The following DCP1A variants were observed in gnomAD, a reference collection of about 807,000 sequenced individuals.
DCP1A encodes mRNA-decapping enzyme 1A.
Under a neutral mutation model 58.0 loss-of-function variants are expected in DCP1A, and 20 were observed. The observed-to-expected ratio is 0.34, with a 90% CI of 0.24 to 0.50. The LOEUF is 0.50. Among genes scored for constraint, DCP1A ranks in the 20% least tolerant of loss-of-function variants. The pLI, the probability that DCP1A is intolerant of heterozygous loss-of-function variation, is 0.98. For synonymous variants in DCP1A, 285 were observed against 275.1 expected (o/e 1.04, Z -0.36); for missense variants, 613 against 712.2 (o/e 0.86, Z 1.59).
intron 5 of DCP1A, among the ~76,000 whole-genome samples, chr3:53,308,984 C>G (rs116066263): frequency 6.6e-6 from 1 of 152,034 alleles, no homozygotes; most frequent in African/African-American, 2.4e-5. Context: ...ACCATCCGCA[C>G]CCCCCTGACC....
intron 6 of DCP1A, among the ~76,000 whole-genome samples, chr3:53,301,763 TA>T (rs1707319211): frequency 6.6e-6 from 1 of 152,188 alleles, no homozygotes; most frequent in African/African-American, 2.4e-5. Context: ...TATCATGTAA[TA>T]CTCTCAGTAA....
chr3:53,304,287 G>A lies in DCP1A; in HGVS notation c.514C>T (p.Gln172Ter). Reference sequence around the variant, plus strand: ...CTGGAGATATTTGAGTCACCCATCTGATTCTTTAAAAAGTTAAAAGAAAAA... The same window carrying A: ...CTGGAGATATTTGAGTCACCCATCTAATTCTTTAAAAAGTTAAAAGAAAAA... ...SRAKDEYERN[Q>*]MGDSNISSPG... The change falls in exon 6 of 10, where the codon CAG becomes TAG. Residue 172 changes from glutamine (Q) to a stop codon, truncating the protein, a stop_gained. Transcript: ENST00000610213. LOFTEE classifies it high-confidence loss of function. 6.2e-7 allele frequency: 1 copy of A among 1,605,932 alleles called. No homozygotes were observed. The highest frequency in any genetic ancestry group is 8.5e-7 in the Non-Finnish European group (1 of 1,176,802).
chr3:53,298,459 A>G (rs1707203056), intron 6 of DCP1A, among the ~76,000 whole-genome samples: 1 of 152,220 alleles, frequency 6.6e-6, no homozygotes, highest in African/African-American at 2.4e-5. Context: ...ATAATGAATC[A>G]TCATACACAG....
chr3:53,290,987 C>A, intron 7 of DCP1A, 131 bp from the exon 8 acceptor site: 1 of 777,560 alleles, frequency 1.3e-6, no homozygotes. Flanking sequence ...CAGATATTAA[C>A]TAGTTCCTAG....
chr3:53,341,149 T>A (rs551030635), intron 3 of DCP1A, among the ~76,000 whole-genome samples: 1 of 151,972 alleles, frequency 6.6e-6, no homozygotes, highest in South Asian at 2.1e-4. Context: ...ATCACCACTA[T>A]TCTGGGCAAA....
intron 4 of DCP1A, among the ~76,000 whole-genome samples, chr3:53,314,844 G>C (rs934755233): frequency 6.6e-6 from 1 of 151,406 alleles, no homozygotes; most frequent in African/African-American, 2.4e-5. Flanking sequence ...GCTAATTTTT[G>C]TATTTTTAAT....
chr3:53,346,530 A>G (rs1553693152), intron 1 of DCP1A, among the ~76,000 whole-genome samples: 1 of 152,240 alleles, frequency 6.6e-6, no homozygotes, highest in Admixed American at 6.5e-5. Flanking sequence ...CTGTAGCTGA[A>G]TGAGTTAATT....
At chr3:53,298,332 T>C (rs1189893132) in intron 6 of DCP1A, among the ~76,000 whole-genome samples, 1 of 152,178 alleles carries the variant, frequency 6.6e-6, no homozygotes, top group African/African-American at 2.4e-5. Context: ...TGCCTCCCTA[T>C]AACTACTGCG....
At chr3:53,346,504 T>C in intron 1 of DCP1A, among the ~76,000 whole-genome samples, 1 of 152,230 alleles carries the variant, frequency 6.6e-6, no homozygotes, top group East Asian at 1.9e-4. Context: ...TACGTATTAC[T>C]TTCTAAGTGT....
At chr3:53,309,464 T>C (rs1357725632) in intron 5 of DCP1A, among the ~76,000 whole-genome samples, 1 of 152,106 alleles carries the variant, frequency 6.6e-6, no homozygotes, top group Admixed American at 6.6e-5. Context: ...TTTTTAATTT[T>C]CAAACAGTCT....
chr3:53,344,533 G>C (rs147154680), intron 2 of DCP1A, among the ~76,000 whole-genome samples: 4 of 152,108 alleles, frequency 2.6e-5, no homozygotes, highest in Non-Finnish European at 4.4e-5. Flanking sequence ...CAGAGGGATC[G>C]ACCTCTCAAT....
intron 4 of DCP1A, among the ~76,000 whole-genome samples, chr3:53,316,766 A>C (rs1188412725): frequency 1.3e-5 from 2 of 151,948 alleles, no homozygotes; most frequent in African/African-American, 4.8e-5. Flanking sequence ...TTAATAACAC[A>C]TCTGTTTCTA....
intron 3 of DCP1A, among the ~76,000 whole-genome samples, chr3:53,334,455 C>T (rs370248691): frequency 2.0e-5 from 3 of 151,418 alleles, no homozygotes; most frequent in African/African-American, 7.3e-5. Flanking sequence ...ACTTTTTTCC[C>T]ACTTCCTGGT....
chr3:53,305,114 T>C (rs1707429901), intron 5 of DCP1A, among the ~76,000 whole-genome samples: 1 of 152,172 alleles, frequency 6.6e-6, no homozygotes, highest in South Asian at 2.1e-4. Context: ...ATAAATGAAA[T>C]ATAAGTAGAA....
In DCP1A at chr3:53,347,375, G is replaced by A. The variant is rs782600522; in HGVS notation, c.135+8C>T. ...GGGTGGCCGTCCTCAGGGCCAGGCG[G>A]CACTCACCCACTGGTTGGCCTTGGG... On this transcript the variant is annotated splice_region_variant and intron_variant, in intron 1 of 9. Coordinates refer to ENST00000610213, the MANE Select transcript of DCP1A (RefSeq NM_018403.7). 9.7e-5 allele frequency: 153 copies of A among 1,583,822 alleles called. No individual in the cohort carries two copies. Among genetic ancestry groups the A allele is most frequent in the Non-Finnish European group, 1.2e-4 (140 of 1,165,496 alleles).
chr3:53,294,192 G>A (rs567742578), intron 6 of DCP1A, among the ~76,000 whole-genome samples: 137 of 152,362 alleles, frequency 9.0e-4, no homozygotes, highest in African/African-American at 3.1e-3. Flanking sequence ...CATGTCCAGG[G>A]GATGAGCCAT....
At position 53,326,198 on chromosome 3, in the gene DCP1A, C is replaced by T. The variant is rs76881027; in HGVS notation, c.305-6725G>A. Among the ~76,000 whole-genome samples, 1,277 of 152,280 alleles carry T rather than the reference C, an allele frequency of 8.4e-3. 13 individuals carry two copies. The highest frequency in any genetic ancestry group is 0.029 in the African/African-American group (1,215 of 41,548). On this transcript the variant is annotated intron_variant, in intron 3 of 9. Coordinates refer to ENST00000610213, the MANE Select transcript of DCP1A (RefSeq NM_018403.7). The stretch of plus-strand genomic sequence containing the variant: ...AATACTCCTTCCACAATCCCATTAA[C>T]ATTATAATCTCAGTACAGAATTTAG...
intron 5 of DCP1A, among the ~76,000 whole-genome samples, chr3:53,306,051 A>AT (rs1385932119): frequency 3.3e-5 from 5 of 152,186 alleles, no homozygotes; most frequent in African/African-American, 9.6e-5. Flanking sequence ...AAGATATGAG[A>AT]TTTTTTTAAA....
At chr3:53,298,447 T>C (rs7641238) in intron 6 of DCP1A, among the ~76,000 whole-genome samples, 106,176 of 152,084 alleles carry the variant, frequency 0.7, 37,842 homozygotes, top group Middle Eastern at 0.77. Flanking sequence ...TTTGTGATGG[T>C]AATAATGAAT....
Sources: allele counts gnomAD v4.1 joint callset (sites outside exome capture counted in the v4.1 genomes callset), GRCh38; gene constraint gnomAD v4.1.1; transcripts MANE v1.5; gene names NCBI Gene and HGNC (gene_info 2026-07-23, HGNC 2026-07-21).